The following ASIC2 variants were observed in gnomAD, a reference collection of about 807,000 sequenced individuals.
ASIC2 encodes acid-sensing ion channel 2.
ASIC2 carries 25 observed loss-of-function variants against 57.3 expected under a neutral mutation model. The ratio of observed to expected loss-of-function variants is 0.44; its 90% CI spans 0.32 to 0.61. The LOEUF is 0.61. Among genes scored for constraint, ASIC2 ranks in the 20% least tolerant of loss-of-function variants. ASIC2 has a pLI of 0.06. For missense variants in ASIC2, 641 were observed against 738.1 expected (o/e 0.87, Z 1.52); for synonymous variants, 319 against 307.5 (o/e 1.04, Z -0.39).
rs1362487429 is a variant in ASIC2, at chr17:33,105,183, A to T, written c.859+6734T>A. ...ATAGTTTGGCTTTGTCCCCACCCAA[A>T]TCTCATATTGAACTGTAGCTCCCAT... is the stretch of plus-strand genomic sequence containing the variant. On this transcript the variant is annotated intron_variant, in intron 2 of 9. Coordinates refer to ENST00000225823, the MANE Select transcript of ASIC2 (RefSeq NM_183377.2). Among the ~76,000 whole-genome samples the T allele has an allele frequency of 2.6e-5, 4 of 152,292 alleles. No individual in the cohort carries two copies. In the East Asian group the frequency reaches 5.8e-4, roughly 22 times the overall value.
chr17:34,050,557 C>T (rs111728983), intron 1 of ASIC2, among the ~76,000 whole-genome samples: 1 of 152,240 alleles, frequency 6.6e-6, no homozygotes, highest in African/African-American at 2.4e-5. Flanking sequence ...AATTTCTGTC[C>T]GTTTATGGAT....
At chr17:33,392,444 T>C (rs998904678) in intron 1 of ASIC2, among the ~76,000 whole-genome samples, 3 of 152,046 alleles carry the variant, frequency 2.0e-5, no homozygotes, top group East Asian at 1.9e-4. Flanking sequence ...ATTGTATTTT[T>C]AGTAGAGACG....
chr17:33,483,131 C>A (rs1913461276), intron 1 of ASIC2, among the ~76,000 whole-genome samples: 1 of 152,110 alleles, frequency 6.6e-6, no homozygotes, highest in Non-Finnish European at 1.5e-5. Flanking sequence ...ATCCCCACGC[C>A]ACACAGATCT....
intron 1 of ASIC2, among the ~76,000 whole-genome samples, chr17:33,784,668 T>C (rs906435851): frequency 1.3e-5 from 2 of 152,234 alleles, no homozygotes; most frequent in African/African-American, 4.8e-5. Context: ...ATATTTTACA[T>C]TTTTTTCATA....
chr17:33,235,647 T>C (rs1908267954), intron 1 of ASIC2, among the ~76,000 whole-genome samples: 1 of 152,156 alleles, frequency 6.6e-6, no homozygotes, highest in African/African-American at 2.4e-5. Context: ...CTGCCCTGTC[T>C]ACGTCTTTGC....
chr17:33,694,723 G>A (rs1378038766), intron 1 of ASIC2, among the ~76,000 whole-genome samples: 4 of 152,312 alleles, frequency 2.6e-5, no homozygotes, highest in Non-Finnish European at 5.9e-5. Flanking sequence ...TGAGATACAT[G>A]TGGAGTGAAG....
At chr17:33,349,880 T>C (rs1427572723) in intron 1 of ASIC2, among the ~76,000 whole-genome samples, 2 of 152,018 alleles carry the variant, frequency 1.3e-5, no homozygotes, top group Non-Finnish European at 1.5e-5. Flanking sequence ...GACTAGTAGA[T>C]AAGTGGTAGT....
chr17:33,099,411 G>A (rs2092201287), intron 2 of ASIC2, among the ~76,000 whole-genome samples: 1 of 152,300 alleles, frequency 6.6e-6, no homozygotes, highest in African/African-American at 2.4e-5. Flanking sequence ...CTGGAATGTG[G>A]GAAAGCACCT....
At chr17:33,630,283 G>A (rs960804796) in intron 1 of ASIC2, among the ~76,000 whole-genome samples, 1 of 152,198 alleles carries the variant, frequency 6.6e-6, no homozygotes, top group East Asian at 1.9e-4. Flanking sequence ...TCCTGAAAAA[G>A]CCAGACTATG....
intron 1 of ASIC2, among the ~76,000 whole-genome samples, chr17:33,430,666 TG>T (rs1911381126): frequency 6.6e-6 from 1 of 152,210 alleles, no homozygotes; most frequent in Non-Finnish European, 1.5e-5. Flanking sequence ...AGCTGCCATG[TG>T]GAAATGCGGT....
chr17:33,656,970 C>T (rs557166722), intron 1 of ASIC2, among the ~76,000 whole-genome samples: 18 of 152,224 alleles, frequency 1.2e-4, no homozygotes, highest in African/African-American at 4.3e-4. Flanking sequence ...TGAACATGGG[C>T]TGAGAACCTG....
At chr17:33,753,672 T>A (rs1323906633) in intron 1 of ASIC2, among the ~76,000 whole-genome samples, 1 of 152,128 alleles carries the variant, frequency 6.6e-6, no homozygotes, top group East Asian at 1.9e-4. Flanking sequence ...CAGAAACAAC[T>A]GGATTGGTTA....
chr17:34,043,186 A>G (rs906060584), intron 1 of ASIC2, among the ~76,000 whole-genome samples: 3 of 152,210 alleles, frequency 2.0e-5, no homozygotes, highest in African/African-American at 4.8e-5. Flanking sequence ...GATGCTGGTG[A>G]TGCGGTATTC....
intron 1 of ASIC2, among the ~76,000 whole-genome samples, chr17:33,361,084 G>T (rs1263383780): frequency 6.6e-6 from 1 of 152,130 alleles, no homozygotes; most frequent in Non-Finnish European, 1.5e-5. Context: ...CAGTCCTTTG[G>T]GCTCACTCGC....
chr17:33,096,664 G>A (rs73275894), intron 2 of ASIC2, among the ~76,000 whole-genome samples: 4,976 of 152,278 alleles, frequency 0.033, 284 homozygotes, highest in African/African-American at 0.11. Flanking sequence ...TCAGGCTGGC[G>A]ATGGAAAGTG....
chr17:33,679,711 C>A (rs1276478863), intron 1 of ASIC2, among the ~76,000 whole-genome samples: 1 of 152,082 alleles, frequency 6.6e-6, no homozygotes, highest in Admixed American at 6.5e-5. Context: ...AGCTGTGAGG[C>A]CAAGGAAGAG....
intron 1 of ASIC2, among the ~76,000 whole-genome samples, chr17:33,981,303 A>G (rs1361918886): frequency 6.6e-6 from 1 of 152,114 alleles, no homozygotes; most frequent in Non-Finnish European, 1.5e-5. Context: ...GTAAATATCT[A>G]TCTCAGAGTC....
At chr17:33,123,342 A>C (rs2092310419) in intron 1 of ASIC2, among the ~76,000 whole-genome samples, 1 of 152,236 alleles carries the variant, frequency 6.6e-6, no homozygotes, top group African/African-American at 2.4e-5. Context: ...ATTTGCAACA[A>C]CATAGATAAA....
chr17:33,466,965 A>G, intron 1 of ASIC2, among the ~76,000 whole-genome samples: 1 of 152,224 alleles, frequency 6.6e-6, no homozygotes, highest in East Asian at 1.9e-4. Context: ...CACAAAAAGC[A>G]ATGGCAACAA....
Sources: gnomAD v4.1 joint callset for allele counts (sites outside exome capture counted in the v4.1 genomes callset) on GRCh38, gnomAD v4.1.1 for gene constraint, MANE v1.5 for transcripts, NCBI Gene and HGNC (gene_info 2026-07-23, HGNC 2026-07-21) for gene names.